The following DOT1L variants were observed in gnomAD, a reference collection of about 807,000 sequenced individuals.
The protein encoded by DOT1L is DOT1 like histone lysine methyltransferase, also known as histone-lysine N-methyltransferase, H3 lysine-79 specific.
A neutral mutation model predicts 153.3 loss-of-function variants in DOT1L; 33 were observed. The ratio of observed to expected loss-of-function variants is 0.22; its 90% confidence interval spans 0.16 to 0.29. DOT1L has a LOEUF of 0.29. DOT1L is among the 10% of genes least tolerant of loss of function. The probability of loss-of-function intolerance (pLI) is 1.00; values close to 1 mark genes in which losing one functional copy is unlikely to be tolerated. For synonymous variants in DOT1L, 1,135 were observed against 965.1 expected, an observed-to-expected ratio of 1.18 and a Z score of -3.26; for missense variants, 1,847 against 2,119.9, an observed-to-expected ratio of 0.87 and a Z score of 2.53.
At position 2,197,755 on chromosome 19, in the gene DOT1L, C is replaced by T. The variant is rs1443240700; in HGVS notation, c.652-2129C>T. 1.3e-5 allele frequency among the ~76,000 whole-genome samples: 2 copies of T among 152,164 alleles called. No individual in the cohort carries two copies. Among genetic ancestry groups the T allele is most frequent in the African/African-American group, 4.8e-5 (2 of 41,446 alleles). Reference sequence around the variant, plus strand: ...TCTTCGTGGCTTTGGCAACACGTGTCAGAAAGAACCTGGTGGTGGGGAAAG... The same window carrying T: ...TCTTCGTGGCTTTGGCAACACGTGTTAGAAAGAACCTGGTGGTGGGGAAAG... On this transcript the variant is annotated intron_variant, in intron 7 of 27. Coordinates refer to ENST00000398665, the MANE Select transcript of DOT1L (RefSeq NM_032482.3). The surrounding 1 kb of genome is among the most constrained non-coding windows in gnomAD (Gnocchi z 4.1).
At chr19:2,228,893 C>T (rs2024482598) in intron 27 of DOT1L, 2 of 985,310 alleles carry the variant, frequency 2.0e-6, no homozygotes, top group Non-Finnish European at 2.4e-6. Context: ...GGCCAGTAGC[C>T]TCGGATGCCC....
At chr19:2,168,529 T>C (rs2020011779) in intron 1 of DOT1L, among the ~76,000 whole-genome samples, 1 of 152,142 alleles carries the variant, frequency 6.6e-6, no homozygotes, top group Non-Finnish European at 1.5e-5. Context: ...TTTGCCCAAT[T>C]GGCAAACGCA....
intron 19 of DOT1L, chr19:2,215,965 T>G (rs1599602567): frequency 3.4e-6 from 1 of 293,088 alleles, no homozygotes; most frequent in Non-Finnish European, 6.3e-6. Flanking sequence ...CCTCCACAGG[T>G]TTTACACTTA....
In DOT1L at chr19:2,222,916, G is replaced by A. The variant is rs1333724455; in HGVS notation, c.3390+357G>A. On this transcript the variant is annotated intron_variant, in intron 24 of 27. Coordinates refer to ENST00000398665, the MANE Select transcript of DOT1L (RefSeq NM_032482.3). This position sits in a 1 kb window ranked among gnomAD's most constrained non-coding sequence, Gnocchi z 6.5. ...ACACAAAAAAAAACAGGTGGAGGCA[G>A]GGGGCCATGACTGAGCCCGGCCATC... The A allele has an allele frequency of 9.7e-6, 4 of 413,938 alleles. No individual in the cohort carries two copies. The highest frequency in any genetic ancestry group is 1.3e-5 in the Non-Finnish European group (3 of 232,230). 25.6% of individuals were successfully genotyped at this position (413,938 alleles called of 1,614,324 possible).
At chr19:2,189,945 G>A (rs1251329945) in intron 4 of DOT1L, 150 bp downstream of exon 4, 1 of 897,108 alleles carries the variant, frequency 1.1e-6, no homozygotes. Context: ...TGGGCTGTGG[G>A]TGAGTGGTGT....
Position 2,190,969 on chromosome 19 carries a change from C to A in DOT1L, c.265-43C>A. On this transcript the variant is annotated intron_variant, in intron 4 of 27. Coordinates refer to ENST00000398665, the MANE Select transcript of DOT1L (RefSeq NM_032482.3). This position sits in a 1 kb window ranked among gnomAD's most constrained non-coding sequence, Gnocchi z 4.8. ...GGTCTTGGTGGTGGAGGGGCTGGGC[C>A]GTGAGGTTTATGTGACATGGCCGGG... The A allele has an allele frequency of 6.5e-7, 1 of 1,531,192 alleles. No individual in the cohort carries two copies. The highest frequency in any genetic ancestry group is 2.4e-5 in the East Asian group (1 of 41,414). 94.9% of individuals were successfully genotyped at this position (1,531,192 alleles called of 1,614,324 possible).
intron 1 of DOT1L, chr19:2,164,540 C>A (rs1426601720): frequency 7.2e-6 from 2 of 279,466 alleles, no homozygotes; most frequent in Non-Finnish European, 1.3e-5. Flanking sequence ...CTGTCCCGGG[C>A]GCGGAACGGA....
rs183800206 is a variant in DOT1L at position 2,224,853 on chromosome 19, G to A, written c.3597-535G>A. Among the ~76,000 whole-genome samples the A allele has an allele frequency of 9.2e-5, 14 of 152,340 alleles. No individual in the cohort carries two copies. In the East Asian group the frequency reaches 2.7e-3, roughly 29 times the overall value. On this transcript the variant is annotated intron_variant, in intron 25 of 27. Coordinates refer to ENST00000398665, the MANE Select transcript of DOT1L (RefSeq NM_032482.3). ...AAACATTGTAGCACCTGGATGCTCT[G>A]TTTTGCATTGGGATTGCTCAGCTTA...
chr19:2,186,303 C>T (rs1055037524), intron 3 of DOT1L, among the ~76,000 whole-genome samples: 11 of 152,314 alleles, frequency 7.2e-5, no homozygotes, highest in African/African-American at 2.4e-4. Context: ...CTGTTTAGAT[C>T]TCAGCTGGGT....
rs761267262 is a variant in DOT1L, at chr19:2,226,247, G to A, written c.3726G>A (p.Lys1242=). The A allele has an allele frequency of 2.6e-6, 4 of 1,568,410 alleles. No individual in the cohort carries two copies. The highest frequency in any genetic ancestry group is 3.5e-6 in the Non-Finnish European group (4 of 1,155,650). ...AGCCAGTCAATAGCAGCAAGTGGAA[G>A]TCCACCTTCTCGCCCATCTCCGACA... The part of the protein sequence containing the change: ...AGEPVNSSKW[K]STFSPISDIG... The change falls in exon 27 of 28, where the codon AAG becomes AAA. Residue 1242 remains lysine, a synonymous_variant. Coordinates refer to ENST00000398665, the MANE Select transcript of DOT1L (RefSeq NM_032482.3).
In DOT1L at chr19:2,207,287, A is replaced by G. The variant is rs906367271; in HGVS notation, c.857-287A>G. Among the ~76,000 whole-genome samples the G allele has an allele frequency of 3.9e-5, 6 of 152,184 alleles. No homozygotes were observed. The highest frequency in any genetic ancestry group is 7.4e-5 in the Non-Finnish European group (5 of 68,016). On this transcript the variant is annotated intron_variant, in intron 10 of 27. Transcript: ENST00000398665. This position sits in a 1 kb window ranked among gnomAD's most constrained non-coding sequence, Gnocchi z 4.5. ...GTTGCTGGATGCTGGCCGTTCTTGC[A>G]GCCGTGATCTAAGTCGCTTCCAGAT...
intron 27 of DOT1L, chr19:2,228,309 C>G (rs748469113): frequency 1.5e-6 from 2 of 1,347,214 alleles, no homozygotes; most frequent in Non-Finnish European, 2.0e-6. Context: ...CATGCCGCCT[C>G]CCTATGCCGC....
intron 7 of DOT1L, 137 bp from the exon 8 acceptor site, chr19:2,199,747 G>A (rs190063865): frequency 3.6e-5 from 42 of 1,173,790 alleles, no homozygotes; most frequent in African/African-American, 9.2e-5. Flanking sequence ...GGCTGCAGCC[G>A]GTGGGGCCTG....
Position 2,190,031 on chromosome 19 carries a change from A to G in DOT1L, c.264+236A>G, listed in dbSNP as rs1303838662. On this transcript the variant is annotated intron_variant, in intron 4 of 27. Transcript: ENST00000398665. The surrounding 1 kb of genome is among the most constrained non-coding windows in gnomAD (Gnocchi z 4.8). The stretch of plus-strand genomic sequence containing the variant: ...CCGTCCGTGGTTTGTGTGCTGAGGC[A>G]GGGCCCTGAGGGTTGTGGTGTCTGC... Among the ~76,000 whole-genome samples, 2 of 152,114 alleles carry G rather than the reference A, an allele frequency of 1.3e-5. No homozygotes were observed. Among genetic ancestry groups the G allele is most frequent in the Non-Finnish European group, 2.9e-5 (2 of 67,998 alleles).
intron 1 of DOT1L, among the ~76,000 whole-genome samples, chr19:2,167,356 T>C (rs923215848): frequency 2.0e-5 from 3 of 152,222 alleles, no homozygotes; most frequent in African/African-American, 7.2e-5. Flanking sequence ...TTTTCCTTGG[T>C]ACTGAAGTGA....
intron 25 of DOT1L, among the ~76,000 whole-genome samples, chr19:2,223,929 A>T (rs2024226253): frequency 6.6e-6 from 1 of 152,098 alleles, no homozygotes; most frequent in South Asian, 2.1e-4. Context: ...ACCTTCCATC[A>T]TGTCCTGAGA....
At chr19:2,194,409 G>T in intron 6 of DOT1L, 106 bp from the exon 7 acceptor site, 1 of 1,250,676 alleles carries the variant, frequency 8.0e-7, no homozygotes, top group South Asian at 1.2e-5. Flanking sequence ...CTGACCTCAT[G>T]ATCCGCCCTC....
chr19:2,207,502 TG>T lies in DOT1L; in HGVS notation c.857-68del. On this transcript the variant is annotated intron_variant, in intron 10 of 27. Transcript: ENST00000398665. The surrounding 1 kb of genome is among the most constrained non-coding windows in gnomAD (Gnocchi z 4.5). ...CAGGCTTCTGTCCCCACGCCTGCCCTGGGGTGGGTGAGGTCTGCATGGAGGG... is the reference window on the plus strand; with the variant it reads ...CAGGCTTCTGTCCCCACGCCTGCCCTGGGTGGGTGAGGTCTGCATGGAGGG... 7.5e-7 allele frequency: 1 copy of T among 1,327,530 alleles called. No individual in the cohort carries two copies. The highest frequency in any genetic ancestry group is 1.3e-5 in the South Asian group (1 of 78,576). 82.2% of individuals were successfully genotyped at this position (1,327,530 alleles called of 1,614,324 possible). A position where few individuals can be genotyped will look rare whatever the true frequency, so the allele number is the denominator to read the frequency against.
rs570584270 is a variant in DOT1L at position 2,229,534 on chromosome 19, C to T, written c.4607-251C>T. On this transcript the variant is annotated intron_variant, in intron 27 of 27. Coordinates refer to ENST00000398665, the MANE Select transcript of DOT1L (RefSeq NM_032482.3). ...CAGGTAGGGTGGCTTTAGCTGGACTCGGCTGTGTGTCTCCTTTGGAGGAAG... is the reference window on the plus strand; with the variant it reads ...CAGGTAGGGTGGCTTTAGCTGGACTTGGCTGTGTGTCTCCTTTGGAGGAAG... The T allele has an allele frequency of 8.3e-5, 82 of 985,442 alleles. 1 individual carries two copies. The South Asian group carries it at 1.6e-3, about 19-fold the overall frequency. The allele number at this position is 985,442 out of a possible 1,614,324, so 61.0% of individuals were successfully genotyped here. A position where few individuals can be genotyped will look rare whatever the true frequency, so the allele number is the denominator to read the frequency against.
Sources: gnomAD v4.1 joint callset for allele counts (sites outside exome capture counted in the v4.1 genomes callset) on GRCh38, gnomAD v4.1.1 for gene constraint, Gnocchi (gnomAD v3.1) non-coding constraint, MANE v1.5 for transcripts, NCBI Gene and HGNC (gene_info 2026-07-23, HGNC 2026-07-21) for gene names.